Variants in CDKAL1 observed in about 807,000 individuals in gnomAD.
CDKAL1 encodes the protein CDKAL1 threonylcarbamoyladenosine tRNA methylthiotransferase.
In CDKAL1, 32 loss-of-function variants were observed where a neutral mutation model predicts 68.2. That is an observed-to-expected ratio of 0.47 (90% CI 0.35 to 0.63). CDKAL1 has a LOEUF of 0.63. Ranked by LOEUF, CDKAL1 falls within the 30% of genes least tolerant of loss-of-function variation. The pLI is 0.00. For synonymous variants in CDKAL1, 234 were observed against 244.3 expected (o/e 0.96, Z 0.39); for missense variants, 606 against 696.7 (o/e 0.87, Z 1.47).
At chr6:20,888,407 A>C (rs183697541) in intron 9 of CDKAL1, among the ~76,000 whole-genome samples, 2 of 144,872 alleles carry the variant, frequency 1.4e-5, no homozygotes, top group African/African-American at 5.1e-5. Flanking sequence ...TTTAGGGTAC[A>C]TGTGCACAAT....
chr6:21,168,747 C>A (rs1310573455), intron 13 of CDKAL1, among the ~76,000 whole-genome samples: 5 of 152,184 alleles, frequency 3.3e-5, no homozygotes, highest in African/African-American at 7.2e-5. Context: ...TACCAGTTTT[C>A]TTTTAGGTAA....
chr6:20,695,072 T>C (rs902245027), intron 5 of CDKAL1, among the ~76,000 whole-genome samples: 4 of 152,268 alleles, frequency 2.6e-5, no homozygotes, highest in African/African-American at 7.2e-5. Flanking sequence ...TATTCCTTTA[T>C]AGTGACACAG....
chr6:20,858,847 AAATT>A (rs777518538), intron 9 of CDKAL1, among the ~76,000 whole-genome samples: 4 of 152,224 alleles, frequency 2.6e-5, no homozygotes, highest in Admixed American at 6.5e-5. Context: ...GTAAAAATAA[AAATT>A]AAAAACAGAA....
At chr6:20,705,670 A>G (rs976413464) in intron 5 of CDKAL1, among the ~76,000 whole-genome samples, 4 of 152,196 alleles carry the variant, frequency 2.6e-5, no homozygotes, top group African/African-American at 9.7e-5. Context: ...CAGGAGAACC[A>G]TATATAGGGT....
chr6:20,932,524 A>G (rs1463687474), intron 9 of CDKAL1, among the ~76,000 whole-genome samples: 1 of 152,164 alleles, frequency 6.6e-6, no homozygotes, highest in Non-Finnish European at 1.5e-5. Context: ...AGAAACTACA[A>G]AGGGATTCCT....
rs754008816 is a variant in CDKAL1 at position 20,799,040 on chromosome 6, G to GTTTTTTTTTTTTTTTTTTTTTT, written c.638+17783_638+17804dup. Among the ~76,000 whole-genome samples, 7 of 47,508 alleles carry GTTTTTTTTTTTTTTTTTTTTTT rather than the reference G, an allele frequency of 1.5e-4. 2 individuals carry two copies. The highest frequency in any genetic ancestry group is 5.1e-4 in the African/African-American group (6 of 11,748). The allele number at this position is 47,508 out of a possible 152,430, so 31.2% of individuals were successfully genotyped here. On this transcript the variant is annotated intron_variant, in intron 8 of 15. Coordinates refer to ENST00000274695, the MANE Select transcript of CDKAL1 (RefSeq NM_017774.3). ...GGCCCATATATTTGAAAAGAACTGA[G>GTTTTTTTTTTTTTTTTTTTTTT]TTTTTTTTTTTTTTTTTTTTTTTTT...
At chr6:20,901,016 T>C (rs565333187) in intron 9 of CDKAL1, among the ~76,000 whole-genome samples, 1 of 152,270 alleles carries the variant, frequency 6.6e-6, no homozygotes, top group African/African-American at 2.4e-5. Context: ...GTAATGTCCA[T>C]TGGAGCTCAT....
At chr6:21,215,088 T>G (rs1303776313) in intron 15 of CDKAL1, among the ~76,000 whole-genome samples, 2 of 152,204 alleles carry the variant, frequency 1.3e-5, no homozygotes, top group African/African-American at 2.4e-5. Flanking sequence ...TGCAGTGCAC[T>G]GTAGGGTAGC....
intron 10 of CDKAL1, among the ~76,000 whole-genome samples, chr6:20,967,812 G>C (rs1765393446): frequency 6.6e-6 from 1 of 152,034 alleles, no homozygotes; most frequent in Non-Finnish European, 1.5e-5. Flanking sequence ...AATTCCTCTT[G>C]GTTTTCATTT....
intron 4 of CDKAL1, among the ~76,000 whole-genome samples, chr6:20,608,309 T>G (rs1219411494): frequency 6.6e-6 from 1 of 152,166 alleles, no homozygotes. Flanking sequence ...TATCTATATA[T>G]AGTTTGTATA....
intron 5 of CDKAL1, among the ~76,000 whole-genome samples, chr6:20,675,271 A>G (rs1372356654): frequency 6.6e-6 from 1 of 152,136 alleles, no homozygotes; most frequent in Admixed American, 6.5e-5. Context: ...AGATAATTGG[A>G]ACTATCTGGT....
chr6:20,712,526 T>A (rs1279379552), intron 5 of CDKAL1, among the ~76,000 whole-genome samples: 15 of 143,326 alleles, frequency 1.0e-4, no homozygotes, highest in South Asian at 6.7e-4. Context: ...AGAAGTGAAA[T>A]GAAAAGAAAA....
intron 5 of CDKAL1, among the ~76,000 whole-genome samples, chr6:20,653,801 T>G (rs1768889048): frequency 6.6e-6 from 1 of 152,056 alleles, no homozygotes; most frequent in African/African-American, 2.4e-5. Flanking sequence ...TTAGTAGAGA[T>G]GGAGTTTCAC....
intron 12 of CDKAL1, among the ~76,000 whole-genome samples, chr6:21,084,909 A>G (rs1019656208): frequency 3.3e-5 from 5 of 152,216 alleles, no homozygotes; most frequent in African/African-American, 1.2e-4. Context: ...CCCTGGGAGC[A>G]GCCTTCTTCA....
intron 9 of CDKAL1, among the ~76,000 whole-genome samples, chr6:20,902,265 T>A (rs1410820071): frequency 6.6e-6 from 1 of 151,246 alleles, no homozygotes; most frequent in Non-Finnish European, 1.5e-5. Context: ...AGAATGTAAG[T>A]GGAGGGACCA....
intron 5 of CDKAL1, among the ~76,000 whole-genome samples, chr6:20,671,257 TC>T (rs1396659582): frequency 1.3e-5 from 2 of 152,232 alleles, no homozygotes; most frequent in African/African-American, 2.4e-5. Context: ...ATTTTTCATT[TC>T]TGTAATTGTG....
chr6:20,768,566 T>G (rs577679141), intron 7 of CDKAL1, among the ~76,000 whole-genome samples: 57 of 152,258 alleles, frequency 3.7e-4, no homozygotes, highest in African/African-American at 1.3e-3. Flanking sequence ...CCTCTATATT[T>G]TTTAGTGAAG....
chr6:20,936,162 G>C (rs1476867197), intron 9 of CDKAL1, among the ~76,000 whole-genome samples: 1 of 150,254 alleles, frequency 6.7e-6, no homozygotes, highest in African/African-American at 2.5e-5. Flanking sequence ...TGGTTATGCC[G>C]ACCTATCTTA....
intron 13 of CDKAL1, among the ~76,000 whole-genome samples, chr6:21,112,262 G>T (rs1774155745): frequency 6.6e-6 from 1 of 152,096 alleles, no homozygotes; most frequent in Admixed American, 6.6e-5. Context: ...GTGTTTAGGG[G>T]GAAATCTAGG....
Sources: gnomAD v4.1 joint callset for allele counts (sites outside exome capture counted in the v4.1 genomes callset) on GRCh38, gnomAD v4.1.1 for gene constraint, MANE v1.5 for transcripts, NCBI Gene and HGNC (gene_info 2026-07-23, HGNC 2026-07-21) for gene names.